AFF3: variants seen among roughly 807,000 people sequenced by gnomAD.
AFF3 encodes AF4/FMR2 family member 3.
In AFF3, 32 loss-of-function variants were observed where a neutral mutation model predicts 129.7. The ratio of observed to expected loss-of-function variants is 0.25; its 90% CI spans 0.19 to 0.33. AFF3 has a LOEUF of 0.33. Ranked by LOEUF, AFF3 falls within the 10% of genes least tolerant of loss-of-function variation. AFF3 has a pLI of 1.00. For missense variants in AFF3, 1,373 were observed against 1,592.0 expected, an observed-to-expected ratio of 0.86 and a Z score of 2.34; for synonymous variants, 644 against 635.4, an observed-to-expected ratio of 1.01 and a Z score of -0.20.
intron 7 of AFF3, among the ~76,000 whole-genome samples, chr2:99,909,773 G>T (rs572695632): frequency 6.6e-6 from 1 of 152,078 alleles, no homozygotes; most frequent in South Asian, 2.1e-4. Context: ...CAACTTTCAC[G>T]TAAATTATGC....
chr2:99,691,386 T>G (rs1675638462), intron 11 of AFF3, among the ~76,000 whole-genome samples: 1 of 152,240 alleles, frequency 6.6e-6, no homozygotes, highest in Non-Finnish European at 1.5e-5. Context: ...AGTGTTATTT[T>G]GGAGCATTCA....
At chr2:99,972,236 C>T (rs1678458071) in intron 7 of AFF3, among the ~76,000 whole-genome samples, 2 of 152,220 alleles carry the variant, frequency 1.3e-5, no homozygotes, top group Admixed American at 6.5e-5. Flanking sequence ...GCTGGCTTCA[C>T]AGTCATCCAT....
intron 7 of AFF3, among the ~76,000 whole-genome samples, chr2:99,899,503 C>T (rs1271049526): frequency 6.6e-6 from 1 of 152,112 alleles, no homozygotes; most frequent in Non-Finnish European, 1.5e-5. Flanking sequence ...TGGGGTCAAT[C>T]GATCCATTTA....
chr2:100,063,925 A>C (rs1014974857), intron 4 of AFF3, among the ~76,000 whole-genome samples: 7 of 151,998 alleles, frequency 4.6e-5, no homozygotes, highest in African/African-American at 1.7e-4. Flanking sequence ...CCCCATATCT[A>C]CTAAAAATAC....
intron 8 of AFF3, among the ~76,000 whole-genome samples, chr2:99,783,404 A>T (rs75364948): frequency 0.066 from 10,039 of 152,230 alleles, 391 homozygotes; most frequent in East Asian, 0.18. Context: ...GAGGGTGTAA[A>T]TGTAAATTCT....
At chr2:99,572,403 T>G (rs1279551587) in intron 18 of AFF3, among the ~76,000 whole-genome samples, 1 of 151,218 alleles carries the variant, frequency 6.6e-6, no homozygotes, top group African/African-American at 2.4e-5. Context: ...CCTTGCTTTT[T>G]GTTCTCCTTT....
chr2:99,697,491 T>G (rs1255453287), intron 11 of AFF3, among the ~76,000 whole-genome samples: 1 of 152,224 alleles, frequency 6.6e-6, no homozygotes. Context: ...AGAGCAAATA[T>G]AGTGAGGAAG....
chr2:99,942,620 C>A (rs1675165722), intron 7 of AFF3, among the ~76,000 whole-genome samples: 1 of 151,562 alleles, frequency 6.6e-6, no homozygotes, highest in African/African-American at 2.4e-5. Flanking sequence ...GAAGGAAGAG[C>A]AAGTAGAAAG....
chr2:100,007,739 C>G (rs570783431), intron 5 of AFF3: 1 of 430,398 alleles, frequency 2.3e-6, no homozygotes, highest in African/African-American at 2.0e-5. Flanking sequence ...CTTTGGGAGG[C>G]CGAGGTGGGC....
At chr2:100,022,214 G>A (rs1057297301) in intron 4 of AFF3, among the ~76,000 whole-genome samples, 1 of 152,100 alleles carries the variant, frequency 6.6e-6, no homozygotes, top group African/African-American at 2.4e-5. Context: ...ATTTCAGTTA[G>A]ACACCTAATC....
chr2:99,970,771 T>C (rs1678285348), intron 7 of AFF3, among the ~76,000 whole-genome samples: 1 of 152,184 alleles, frequency 6.6e-6, no homozygotes, highest in South Asian at 2.1e-4. Context: ...TTCTTCTCTA[T>C]GTCTCCTTCC....
At chr2:99,724,267 C>CT (rs1553440069) in intron 11 of AFF3, among the ~76,000 whole-genome samples, 1 of 27,008 alleles carries the variant, frequency 3.7e-5, no homozygotes, top group Non-Finnish European at 6.6e-5. Context: ...GTGGAATGAC[C>CT]TTTCTTTTTT....
chr2:99,968,275 C>A (rs1428690656), intron 7 of AFF3, among the ~76,000 whole-genome samples: 3 of 152,182 alleles, frequency 2.0e-5, no homozygotes, highest in African/African-American at 7.2e-5. Context: ...CAGCAACTGA[C>A]TTCATTTCCT....
intron 7 of AFF3, among the ~76,000 whole-genome samples, chr2:99,963,252 T>C (rs116815754): frequency 1.2e-3 from 189 of 152,170 alleles, no homozygotes; most frequent in African/African-American, 4.3e-3. Context: ...GAAAAGAGCA[T>C]TTGTACTAGC....
At chr2:99,684,285 G>A (rs1674823439) in intron 11 of AFF3, among the ~76,000 whole-genome samples, 1 of 152,208 alleles carries the variant, frequency 6.6e-6, no homozygotes, top group African/African-American at 2.4e-5. Context: ...CCTACGCTGT[G>A]TGGACCAAGA....
At chr2:99,955,401 A>C (rs929210587) in intron 7 of AFF3, among the ~76,000 whole-genome samples, 5 of 152,188 alleles carry the variant, frequency 3.3e-5, no homozygotes, top group Non-Finnish European at 7.3e-5. Context: ...ACTACTGTGA[A>C]CTCAAGATGT....
intron 7 of AFF3, among the ~76,000 whole-genome samples, chr2:99,876,249 TC>T (rs2105989019): frequency 6.6e-6 from 1 of 152,312 alleles, no homozygotes; most frequent in South Asian, 2.1e-4. Flanking sequence ...CTGGCTGACC[TC>T]CAGGTACCTT....
chr2:100,069,718 C>G (rs1688014803), intron 4 of AFF3, among the ~76,000 whole-genome samples: 1 of 152,126 alleles, frequency 6.6e-6, no homozygotes, highest in African/African-American at 2.4e-5. Flanking sequence ...TAACTTGAAT[C>G]AGTTTAATCA....
intron 18 of AFF3, among the ~76,000 whole-genome samples, chr2:99,570,497 T>C (rs1304152175): frequency 2.0e-5 from 3 of 152,060 alleles, no homozygotes; most frequent in Non-Finnish European, 2.9e-5. Flanking sequence ...CCACTATGCC[T>C]GGCTAACTTT....
Sources: allele counts gnomAD v4.1 joint callset (sites outside exome capture counted in the v4.1 genomes callset), GRCh38; gene constraint gnomAD v4.1.1; transcripts MANE v1.5; gene names NCBI Gene and HGNC (gene_info 2026-07-23, HGNC 2026-07-21).